AGBL4: variants seen among roughly 807,000 people sequenced by gnomAD.
AGBL4 encodes the protein AGBL carboxypeptidase 4, also known as cytosolic carboxypeptidase 6.
AGBL4 carries 58 observed loss-of-function variants against 66.4 expected under a neutral mutation model. The observed-to-expected ratio is 0.87, with a 90% CI of 0.71 to 1.09. The LOEUF is 1.09. AGBL4 is among the 50% of genes least tolerant of loss of function. AGBL4 has a pLI of 0.00. For synonymous variants in AGBL4, 234 were observed against 222.9 expected (o/e 1.05, Z -0.44); for missense variants, 579 against 631.0 (o/e 0.92, Z 0.88).
At chr1:49,836,866 A>G (rs775411674) in intron 2 of AGBL4, among the ~76,000 whole-genome samples, 5 of 152,178 alleles carry the variant, frequency 3.3e-5, no homozygotes, top group Non-Finnish European at 5.9e-5. Flanking sequence ...AGTTTGCTGA[A>G]GGTCCATTCC....
At chr1:49,515,166 A>G (rs1361403558) in intron 3 of AGBL4, among the ~76,000 whole-genome samples, 3 of 152,166 alleles carry the variant, frequency 2.0e-5, no homozygotes, top group Non-Finnish European at 4.4e-5. Context: ...TCCAGAATCT[A>G]CAATGAACTC....
At chr1:49,246,631 T>C (rs988001945) in intron 3 of AGBL4, among the ~76,000 whole-genome samples, 2 of 151,790 alleles carry the variant, frequency 1.3e-5, no homozygotes, top group East Asian at 1.9e-4. Context: ...AAGAGGATAG[T>C]ATAATTTTAA....
chr1:48,958,730 C>T (rs1459292414), intron 5 of AGBL4, among the ~76,000 whole-genome samples: 4 of 152,214 alleles, frequency 2.6e-5, no homozygotes, highest in African/African-American at 9.6e-5. Flanking sequence ...TAGACCACTC[C>T]TCATATTTCC....
intron 5 of AGBL4, among the ~76,000 whole-genome samples, chr1:49,007,927 CA>C (rs1229630004): frequency 6.6e-5 from 10 of 151,254 alleles, no homozygotes; most frequent in Non-Finnish European, 1.3e-4. Context: ...AAAATCATGC[CA>C]AAATGTAAAG....
chr1:48,689,271 T>C (rs1646586261), intron 6 of AGBL4, among the ~76,000 whole-genome samples: 1 of 150,776 alleles, frequency 6.6e-6, no homozygotes, highest in South Asian at 2.1e-4. Context: ...ATGGAGTCCT[T>C]ATACTCAGAA....
intron 4 of AGBL4, among the ~76,000 whole-genome samples, chr1:49,191,580 C>T (rs532374618): frequency 1.3e-5 from 2 of 152,168 alleles, no homozygotes; most frequent in African/African-American, 4.8e-5. Context: ...AGCATAGTAC[C>T]CAATAGGTAG....
intron 3 of AGBL4, among the ~76,000 whole-genome samples, chr1:49,274,564 CACAG>C (rs747617209): frequency 2.6e-5 from 4 of 151,992 alleles, no homozygotes; most frequent in East Asian, 1.9e-4. Context: ...TTTTTAAATC[CACAG>C]ACAAATTATT....
chr1:48,623,772 T>C (rs1284986020), intron 9 of AGBL4, among the ~76,000 whole-genome samples: 4 of 152,140 alleles, frequency 2.6e-5, no homozygotes, highest in Admixed American at 6.5e-5. Flanking sequence ...TATATGCAGA[T>C]AGGAACCTGC....
intron 2 of AGBL4, among the ~76,000 whole-genome samples, chr1:49,802,067 G>A (rs952961371): frequency 6.6e-6 from 1 of 152,218 alleles, no homozygotes; most frequent in Admixed American, 6.5e-5. Flanking sequence ...GCAGGATTGT[G>A]TAAAGACAAT....
rs547487419 is a variant in AGBL4 at position 49,590,443 on chromosome 1, C to T, written c.282+106870G>A. 8.0e-5 allele frequency among the ~76,000 whole-genome samples: 12 copies of T among 149,846 alleles called. 1 individual carries two copies. The South Asian group carries it at 2.1e-3, about 26-fold the overall frequency. ...CCTGGCACAAGGGCACTACTTTGTT[C>T]GATCAGTTGTTCTTGAACAGAAACA... On this transcript the variant is annotated intron_variant, in intron 3 of 13. Transcript: ENST00000371839.
intron 6 of AGBL4, chr1:48,776,527 C>CG: frequency 4.5e-6 from 5 of 1,108,534 alleles, no homozygotes; most frequent in Non-Finnish European, 6.0e-6. Context: ...CCCCGGTCCC[C>CG]TCCGCCCGGG....
intron 6 of AGBL4, among the ~76,000 whole-genome samples, chr1:48,857,559 A>C (rs530458588): frequency 6.6e-6 from 1 of 152,198 alleles, no homozygotes; most frequent in African/African-American, 2.4e-5. Context: ...ATCTCTGCTA[A>C]AAATACAAAA....
chr1:49,993,230 T>A (rs930697921), intron 1 of AGBL4, among the ~76,000 whole-genome samples: 4 of 152,238 alleles, frequency 2.6e-5, no homozygotes, highest in Admixed American at 1.3e-4. Context: ...TTTAATGTGG[T>A]TACTAGCAAA....
intron 3 of AGBL4, among the ~76,000 whole-genome samples, chr1:49,689,384 A>G (rs986205199): frequency 2.0e-5 from 3 of 152,076 alleles, no homozygotes; most frequent in African/African-American, 4.8e-5. Context: ...TTCACTGTAG[A>G]TAATATGGAT....
intron 3 of AGBL4, among the ~76,000 whole-genome samples, chr1:49,653,743 C>G (rs1447729515): frequency 6.6e-6 from 1 of 150,956 alleles, no homozygotes; most frequent in African/African-American, 2.4e-5. Context: ...GACTGTCTTG[C>G]TGAATTATGG....
chr1:49,480,625 A>C lies in AGBL4; in HGVS notation c.282+216688T>G, dbSNP rs954551149. 7.2e-5 allele frequency among the ~76,000 whole-genome samples: 11 copies of C among 152,022 alleles called. 1 individual carries two copies. The highest frequency in any genetic ancestry group is 2.7e-4 in the African/African-American group (11 of 41,414). ...CTGTTGATAGTTTATTTTGCTCTGC[A>C]GAAGTGCTTTCATTTAATCAGGTCC... On this transcript the variant is annotated intron_variant, in intron 3 of 13. Coordinates refer to ENST00000371839, the MANE Select transcript of AGBL4 (RefSeq NM_032785.4).
Position 49,283,604 on chromosome 1 carries a change from T to G in AGBL4, c.283-37740A>C, listed in dbSNP as rs377384960. Among the ~76,000 whole-genome samples, 29 of 152,076 alleles carry G rather than the reference T, an allele frequency of 1.9e-4. No homozygotes were observed. In the South Asian group the frequency reaches 2.1e-3, roughly 11 times the overall value. On this transcript the variant is annotated intron_variant, in intron 3 of 13. Coordinates refer to ENST00000371839, the MANE Select transcript of AGBL4 (RefSeq NM_032785.4). The stretch of plus-strand genomic sequence containing the variant: ...GAAGGAAATTCAAACCAAAGGCAAA[T>G]AAGTTGAAAACTTTGAAAAAAATTT...
At chr1:50,011,371 G>C (rs1258011639) in intron 1 of AGBL4, among the ~76,000 whole-genome samples, 1 of 152,116 alleles carries the variant, frequency 6.6e-6, no homozygotes, top group Non-Finnish European at 1.5e-5. Flanking sequence ...TTATGTCAAA[G>C]ACAGGCAATA....
At chr1:49,785,990 G>A (rs1193156448) in intron 2 of AGBL4, among the ~76,000 whole-genome samples, 1 of 151,544 alleles carries the variant, frequency 6.6e-6, no homozygotes, top group East Asian at 1.9e-4. Flanking sequence ...TCTCATTAGC[G>A]TCAGTGACAT....
Sources: allele counts gnomAD v4.1 joint callset (sites outside exome capture counted in the v4.1 genomes callset), GRCh38; gene constraint gnomAD v4.1.1; transcripts MANE v1.5; gene names NCBI Gene and HGNC (gene_info 2026-07-23, HGNC 2026-07-21).